Variants in PPHLN1 observed in about 807,000 individuals in gnomAD.
The protein encoded by PPHLN1 is periphilin 1, also known as periphilin-1.
PPHLN1 carries 29 observed loss-of-function variants against 51.3 expected under a neutral mutation model. The observed-to-expected ratio is 0.57, with a 90% CI of 0.42 to 0.77. The LOEUF (loss-of-function observed/expected upper bound fraction) is 0.77, where lower values mean the gene tolerates loss of function less well. Among genes scored for constraint, PPHLN1 ranks in the 30% least tolerant of loss-of-function variants. The probability of loss-of-function intolerance (pLI) is 0.00; values close to 1 mark genes in which losing one functional copy is unlikely to be tolerated. For synonymous variants in PPHLN1, 147 were observed against 147.8 expected, an observed-to-expected ratio of 0.99 and a Z score of 0.04; for missense variants, 436 against 438.4, an observed-to-expected ratio of 0.99 and a Z score of 0.05.
At chr12:42,361,559 T>C (rs1343237509) in intron 4 of PPHLN1, 1 of 152,216 alleles carries the variant, frequency 6.6e-6, no homozygotes, top group African/African-American at 2.4e-5. Flanking sequence ...TTGTAATTCA[T>C]TGCTGTCACT....
intron 4 of PPHLN1, among the ~76,000 whole-genome samples, chr12:42,357,565 A>G (rs2074182315): frequency 1.3e-5 from 2 of 152,156 alleles, no homozygotes; most frequent in East Asian, 1.9e-4. Flanking sequence ...AAAACATGAC[A>G]TTGGAAGCTG....
At chr12:42,348,276 A>AT (rs1213561958) in intron 2 of PPHLN1, among the ~76,000 whole-genome samples, 20,711 of 85,530 alleles carry the variant, frequency 0.24, 3,330 homozygotes, top group Middle Eastern at 0.29. Flanking sequence ...CACCTGGCTA[A>AT]TTTTTTTTTT....
chr12:42,412,411 A>G (rs978724634), intron 9 of PPHLN1, among the ~76,000 whole-genome samples: 4 of 148,962 alleles, frequency 2.7e-5, no homozygotes, highest in African/African-American at 1.0e-4. Flanking sequence ...AATTGCTCCA[A>G]AAGATATTAT....
chr12:42,345,458 G>A (rs1443844123), intron 2 of PPHLN1, among the ~76,000 whole-genome samples: 1 of 151,226 alleles, frequency 6.6e-6, no homozygotes, highest in African/African-American at 2.4e-5. Context: ...TTTATTTTTG[G>A]TCTGACTGAT....
downstream of PPHLN1, chr12:42,445,872 A>C: frequency 7.3e-7 from 1 of 1,376,908 alleles, no homozygotes; most frequent in Non-Finnish European, 9.6e-7. Context: ...CCAGACATAA[A>C]ACTGCAGTTT....
chr12:42,344,931 A>G (rs1015780639), intron 2 of PPHLN1, among the ~76,000 whole-genome samples: 2 of 152,068 alleles, frequency 1.3e-5, no homozygotes, highest in East Asian at 3.9e-4. Context: ...GCTGGTCTCG[A>G]ATTCCTGGCC....
At chr12:42,440,056 A>G (rs966231966) in intron 9 of PPHLN1, among the ~76,000 whole-genome samples, 1 of 150,528 alleles carries the variant, frequency 6.6e-6, no homozygotes, top group African/African-American at 2.4e-5. Flanking sequence ...TTCTTGGGCT[A>G]TCTCTCTATA....
downstream of PPHLN1, chr12:42,445,911 G>C: frequency 6.9e-7 from 1 of 1,445,958 alleles, no homozygotes; most frequent in Non-Finnish European, 9.1e-7. Context: ...GTAATATATG[G>C]CATGGTCCAA....
downstream of PPHLN1, chr12:42,442,536 A>C: frequency 6.8e-7 from 1 of 1,471,884 alleles, no homozygotes; most frequent in Non-Finnish European, 9.2e-7. Flanking sequence ...CCAGCTTATC[A>C]GGACTGCACT....
chr12:42,380,910 T>G lies in PPHLN1; in HGVS notation c.512-4030T>G, dbSNP rs578148069. Reference sequence around the variant, plus strand: ...TTAATCAACAAACATATATTGAACATAAATTGTTTGCCAAGCGAGACAGAT... The same window carrying G: ...TTAATCAACAAACATATATTGAACAGAAATTGTTTGCCAAGCGAGACAGAT... On this transcript the variant is annotated intron_variant, in intron 5 of 9. Coordinates refer to ENST00000358314, the MANE Select transcript of PPHLN1 (RefSeq NM_201439.2). 7.2e-5 allele frequency among the ~76,000 whole-genome samples: 11 copies of G among 152,296 alleles called. No homozygotes were observed. In the South Asian group the frequency reaches 2.3e-3, roughly 32 times the overall value.
chr12:42,433,121 A>G, intron 9 of PPHLN1: 1 of 776,606 alleles, frequency 1.3e-6, no homozygotes. Flanking sequence ...TGACTATTTC[A>G]TTGTAAGTAG....
intron 9 of PPHLN1, chr12:42,400,360 T>C (rs995793539): frequency 2.1e-5 from 3 of 146,244 alleles, no homozygotes; most frequent in African/African-American, 7.6e-5. Context: ...CCCAGCTACT[T>C]GGGAGGCTGA....
intron 2 of PPHLN1, among the ~76,000 whole-genome samples, chr12:42,349,673 A>G (rs897742537): frequency 6.6e-5 from 10 of 152,128 alleles, no homozygotes; most frequent in African/African-American, 2.4e-4. Flanking sequence ...CCCTTAATCC[A>G]TTTAACCCTG....
intron 9 of PPHLN1, among the ~76,000 whole-genome samples, chr12:42,424,734 A>G (rs1455340181): frequency 6.6e-6 from 1 of 152,162 alleles, no homozygotes. Flanking sequence ...AAAAAAAGAG[A>G]TTATGGCATA....
downstream of PPHLN1, chr12:42,445,471 A>G (rs1339115961): frequency 3.9e-6 from 1 of 256,022 alleles, no homozygotes; most frequent in African/African-American, 2.3e-5. Flanking sequence ...AGATATATAC[A>G]TGTATCCGTT....
chr12:42,412,885 T>A (rs1208881744), intron 9 of PPHLN1, among the ~76,000 whole-genome samples: 3 of 152,226 alleles, frequency 2.0e-5, no homozygotes, highest in Non-Finnish European at 4.4e-5. Context: ...ATGTTGAACA[T>A]TTTTTCGTAT....
intron 1 of PPHLN1, among the ~76,000 whole-genome samples, chr12:42,329,094 A>ATTTT (rs775555753): frequency 7.8e-5 from 11 of 141,424 alleles, no homozygotes; most frequent in African/African-American, 2.8e-4. Flanking sequence ...TGGAATTTCA[A>ATTTT]TTTTTTTTTT....
intron 2 of PPHLN1, among the ~76,000 whole-genome samples, chr12:42,341,012 G>A (rs1434602820): frequency 2.0e-5 from 2 of 98,398 alleles, no homozygotes; most frequent in Non-Finnish European, 3.9e-5. Flanking sequence ...ATGGAGTTTT[G>A]CTCTGTCGCC....
intron 2 of PPHLN1, among the ~76,000 whole-genome samples, chr12:42,340,342 T>C (rs1021730427): frequency 6.6e-6 from 1 of 151,616 alleles, no homozygotes; most frequent in Non-Finnish European, 1.5e-5. Flanking sequence ...TTTAAAAATA[T>C]TTGCTTAGAT....
Sources: gnomAD v4.1 joint callset for allele counts (sites outside exome capture counted in the v4.1 genomes callset) on GRCh38, gnomAD v4.1.1 for gene constraint, MANE v1.5 for transcripts, NCBI Gene and HGNC (gene_info 2026-07-23, HGNC 2026-07-21) for gene names.